The following RAB3C variants were observed in gnomAD, a reference collection of about 807,000 sequenced individuals.
RAB3C encodes the protein RAB3C, member RAS oncogene family, also known as ras-related protein Rab-3C.
RAB3C carries 17 observed loss-of-function variants against 26.4 expected under a neutral mutation model. That is an observed-to-expected ratio of 0.64 (90% confidence interval 0.44 to 0.97). The LOEUF is 0.97. Ranked by LOEUF, RAB3C falls within the 50% of genes least tolerant of loss-of-function variation. The pLI, the probability that RAB3C is intolerant of heterozygous loss-of-function variation, is 0.00. For synonymous variants in RAB3C, 91 were observed against 95.9 expected, an observed-to-expected ratio of 0.95 and a Z score of 0.30; for missense variants, 242 against 281.9, an observed-to-expected ratio of 0.86 and a Z score of 1.01.
intron 2 of RAB3C, among the ~76,000 whole-genome samples, chr5:58,700,632 T>C (rs990934685): frequency 6.6e-6 from 1 of 152,220 alleles, no homozygotes; most frequent in African/African-American, 2.4e-5. Flanking sequence ...AGTGAGGTGA[T>C]AATGTGATTG....
At chr5:58,731,473 G>C (rs1741019021) in intron 3 of RAB3C, among the ~76,000 whole-genome samples, 1 of 152,140 alleles carries the variant, frequency 6.6e-6, no homozygotes, top group Admixed American at 6.6e-5. Flanking sequence ...TCAGGATGAT[G>C]GTTTGTAGCT....
intron 3 of RAB3C, among the ~76,000 whole-genome samples, chr5:58,772,369 G>A (rs1017320575): frequency 3.3e-5 from 5 of 152,162 alleles, no homozygotes; most frequent in Admixed American, 3.3e-4. Context: ...ACATTTGTGA[G>A]ATTATTGTTC....
chr5:58,721,021 A>T (rs994447926), intron 2 of RAB3C, among the ~76,000 whole-genome samples: 1 of 151,884 alleles, frequency 6.6e-6, no homozygotes, highest in African/African-American at 2.4e-5. Flanking sequence ...TTTAAAAAAG[A>T]AAGATTTCAT....
chr5:58,721,067 A>T (rs952894459), intron 2 of RAB3C, among the ~76,000 whole-genome samples: 1 of 151,778 alleles, frequency 6.6e-6, no homozygotes, highest in Non-Finnish European at 1.5e-5. Context: ...AGAGTGCCAA[A>T]ATTCAAACCA....
intron 4 of RAB3C, among the ~76,000 whole-genome samples, chr5:58,826,724 G>A (rs1414069090): frequency 1.3e-5 from 2 of 152,020 alleles, no homozygotes; most frequent in African/African-American, 4.8e-5. Context: ...TTAAATGGTG[G>A]TCCCAACCCA....
chr5:58,796,573 T>C (rs1742654245), intron 3 of RAB3C, among the ~76,000 whole-genome samples: 1 of 152,178 alleles, frequency 6.6e-6, no homozygotes, highest in Non-Finnish European at 1.5e-5. Context: ...AGAGATTATT[T>C]ACAAAAGTGT....
intron 4 of RAB3C, among the ~76,000 whole-genome samples, chr5:58,835,139 C>T (rs1429968311): frequency 3.3e-5 from 5 of 152,152 alleles, no homozygotes; most frequent in Admixed American, 2.0e-4. Flanking sequence ...AACTCCACTT[C>T]CTCTTTGTTT....
intron 3 of RAB3C, among the ~76,000 whole-genome samples, chr5:58,754,168 T>C (rs1269844319): frequency 1.3e-5 from 2 of 152,174 alleles, no homozygotes; most frequent in African/African-American, 4.8e-5. Context: ...ATTTCTGTTA[T>C]GTGAAGTGAA....
intron 3 of RAB3C, among the ~76,000 whole-genome samples, chr5:58,758,034 C>T (rs551642953): frequency 9.5e-4 from 145 of 152,286 alleles, no homozygotes; most frequent in Middle Eastern, 6.8e-3. Flanking sequence ...CTCCACCTCC[C>T]GGGTTCACGC....
At chr5:58,798,305 G>A (rs1272307048) in intron 3 of RAB3C, among the ~76,000 whole-genome samples, 7 of 151,886 alleles carry the variant, frequency 4.6e-5, no homozygotes, top group African/African-American at 1.7e-4. Flanking sequence ...AATTACAAAG[G>A]GAAAAAAAGA....
chr5:58,662,504 T>C (rs1264745702), intron 2 of RAB3C, among the ~76,000 whole-genome samples: 1 of 150,248 alleles, frequency 6.7e-6, no homozygotes, highest in Non-Finnish European at 1.5e-5. Flanking sequence ...AAGCCAAGTA[T>C]ATTAAAATTA....
intron 3 of RAB3C, among the ~76,000 whole-genome samples, chr5:58,806,192 T>A (rs1385013722): frequency 6.6e-6 from 1 of 152,214 alleles, no homozygotes; most frequent in African/African-American, 2.4e-5. Context: ...TTACACAAGA[T>A]GTTTAAACTT....
At chr5:58,671,082 C>T (rs1028607893) in intron 2 of RAB3C, among the ~76,000 whole-genome samples, 3 of 152,058 alleles carry the variant, frequency 2.0e-5, no homozygotes, top group Non-Finnish European at 2.9e-5. Context: ...CTCTCAGGTC[C>T]CAGGTGATGC....
At chr5:58,766,604 C>T (rs1264167737) in intron 3 of RAB3C, among the ~76,000 whole-genome samples, 2 of 152,132 alleles carry the variant, frequency 1.3e-5, no homozygotes, top group African/African-American at 4.8e-5. Context: ...GAGGTGAAAT[C>T]ACCAGAGGTC....
intron 1 of RAB3C, among the ~76,000 whole-genome samples, chr5:58,586,050 T>C (rs982477522): frequency 1.3e-5 from 2 of 152,042 alleles, no homozygotes; most frequent in Non-Finnish European, 2.9e-5. Flanking sequence ...AGGAGCCACA[T>C]TGAACAAATT....
At chr5:58,841,776 G>A (rs1177914595) in intron 4 of RAB3C, among the ~76,000 whole-genome samples, 1 of 152,154 alleles carries the variant, frequency 6.6e-6, no homozygotes, top group African/African-American at 2.4e-5. Context: ...AGTTTGGATA[G>A]ACAAGTCTGC....
intron 1 of RAB3C, chr5:58,583,460 T>C: frequency 1.7e-6 from 1 of 573,386 alleles, no homozygotes; most frequent in Non-Finnish European, 2.2e-6. Context: ...TTCTAGGCTC[T>C]GTAAAGAGGA....
chr5:58,615,582 C>T (rs1746805727), intron 1 of RAB3C, among the ~76,000 whole-genome samples: 1 of 152,058 alleles, frequency 6.6e-6, no homozygotes, highest in African/African-American at 2.4e-5. Context: ...TACTTTTGCC[C>T]TTTGGCCGGC....
intron 2 of RAB3C, among the ~76,000 whole-genome samples, chr5:58,674,858 T>TA (rs113084563): frequency 7.4e-4 from 103 of 139,778 alleles, no homozygotes; most frequent in South Asian, 1.8e-3. Context: ...GAAACATACA[T>TA]AAAAAAAAAA....
Sources: gnomAD v4.1 joint callset for allele counts (sites outside exome capture counted in the v4.1 genomes callset) on GRCh38, gnomAD v4.1.1 for gene constraint, MANE v1.5 for transcripts, NCBI Gene and HGNC (gene_info 2026-07-23, HGNC 2026-07-21) for gene names.